The following KCTD5 variants were observed in gnomAD, a reference collection of about 807,000 sequenced individuals.
KCTD5 encodes the protein BTB/POZ domain-containing protein KCTD5.
Under a neutral mutation model 27.9 loss-of-function variants are expected in KCTD5, and 12 were observed. The observed-to-expected ratio is 0.43, with a 90% CI of 0.28 to 0.70. The LOEUF (loss-of-function observed/expected upper bound fraction) is 0.70, where lower values mean the gene tolerates loss of function less well. Ranked by LOEUF, KCTD5 falls within the 30% of genes least tolerant of loss-of-function variation. KCTD5 has a pLI of 0.19. For missense variants in KCTD5, 226 were observed against 274.8 expected, an observed-to-expected ratio of 0.82 and a Z score of 1.26; for synonymous variants, 147 against 121.4, an observed-to-expected ratio of 1.21 and a Z score of -1.39.
At chr16:2,696,739 C>T (rs550713409) in intron 2 of KCTD5, among the ~76,000 whole-genome samples, 28 of 152,390 alleles carry the variant, frequency 1.8e-4, no homozygotes, top group African/African-American at 6.0e-4. Flanking sequence ...TTCTGGGCCT[C>T]TGGGCCTCGG....
rs1238791234 is a variant in KCTD5, at chr16:2,682,595, T to C, written c.47T>C (p.Ile16Thr). 22 of 1,427,558 alleles carry C rather than the reference T, an allele frequency of 1.5e-5. No individual in the cohort carries two copies. The highest frequency in any genetic ancestry group is 2.0e-5 in the Non-Finnish European group (22 of 1,095,560). 88.4% of individuals were successfully genotyped at this position (1,427,558 alleles called of 1,614,324 possible). Residue 16 changes from isoleucine to threonine, a missense_variant, in exon 1 of 6, where the codon ATC becomes ACC. Transcript: ENST00000301738. The part of the protein sequence containing the change: ...CELLSPARGG[I>T]GAGLGGGLCR... ...CTCCTGTCGCCGGCCCGGGGCGGCATCGGGGCGGGGCTGGGGGGCGGCCTG... is the reference window on the plus strand; with the variant it reads ...CTCCTGTCGCCGGCCCGGGGCGGCACCGGGGCGGGGCTGGGGGGCGGCCTG...
intron 1 of KCTD5, among the ~76,000 whole-genome samples, chr16:2,693,602 C>G (rs1196204710): frequency 6.6e-6 from 1 of 152,254 alleles, no homozygotes; most frequent in African/African-American, 2.4e-5. Flanking sequence ...TGGCCGTCCC[C>G]ACCCTGCCCT....
At chr16:2,701,305 G>A (rs2067611013) in intron 4 of KCTD5, among the ~76,000 whole-genome samples, 1 of 152,204 alleles carries the variant, frequency 6.6e-6, no homozygotes, top group South Asian at 2.1e-4. Context: ...CCTTCTCCCA[G>A]TTCATGTAGG....
intron 1 of KCTD5, among the ~76,000 whole-genome samples, chr16:2,688,187 T>C (rs2067548955): frequency 6.6e-6 from 1 of 150,620 alleles, no homozygotes; most frequent in Non-Finnish European, 1.5e-5. Flanking sequence ...CTTCATTTCA[T>C]GTTTGTACTT....
At chr16:2,685,842 C>T (rs940586196) in intron 1 of KCTD5, 2 of 150,802 alleles carry the variant, frequency 1.3e-5, no homozygotes, top group African/African-American at 2.4e-5. Flanking sequence ...AGAGTCCCTG[C>T]CTGGATTATT....
intron 5 of KCTD5, among the ~76,000 whole-genome samples, chr16:2,705,910 G>A (rs2067633599): frequency 6.6e-6 from 1 of 152,202 alleles, no homozygotes; most frequent in South Asian, 2.1e-4. Flanking sequence ...GGGAGCTGTT[G>A]GGGCTCCCGG....
intron 4 of KCTD5, among the ~76,000 whole-genome samples, chr16:2,701,480 G>A (rs1005634527): frequency 4.6e-5 from 7 of 152,194 alleles, no homozygotes; most frequent in African/African-American, 1.7e-4. Context: ...ATGGCCGTGA[G>A]TGCTCCCAGG....
chr16:2,706,347 A>C (rs943299582), intron 5 of KCTD5, among the ~76,000 whole-genome samples: 1 of 152,144 alleles, frequency 6.6e-6, no homozygotes. Context: ...GTGCCCGGCG[A>C]GGGCGTGGGC....
chr16:2,707,348 G>A lies in KCTD5; in HGVS notation c.*21G>A, dbSNP rs1283978344. On this transcript the variant is annotated 3_prime_UTR_variant, in exon 6 of 6. Transcript: ENST00000301738. The stretch of plus-strand genomic sequence containing the variant: ...TGTGAGGGACACAGTATTGACAGCT[G>A]AAGAAATGATTTACGTTTTCCCGAG... The A allele has an allele frequency of 6.2e-7, 1 of 1,613,120 alleles. No homozygotes were observed.
At chr16:2,687,157 C>T (rs1002087538) in intron 1 of KCTD5, among the ~76,000 whole-genome samples, 2 of 152,238 alleles carry the variant, frequency 1.3e-5, no homozygotes, top group African/African-American at 4.8e-5. Flanking sequence ...TCAGGTGCCT[C>T]ACCTGAAGCC....
At chr16:2,706,569 C>T (rs2067637070) in intron 5 of KCTD5, among the ~76,000 whole-genome samples, 1 of 152,108 alleles carries the variant, frequency 6.6e-6, no homozygotes, top group Admixed American at 6.5e-5. Context: ...CTCAGGGGAG[C>T]CCAGGCCGAC....
At chr16:2,691,037 C>T (rs945792655) in intron 1 of KCTD5, among the ~76,000 whole-genome samples, 5 of 152,240 alleles carry the variant, frequency 3.3e-5, no homozygotes, top group Admixed American at 1.3e-4. Flanking sequence ...CCCCCGCACA[C>T]ATTAGGCCGA....
At chr16:2,683,082 G>A in intron 1 of KCTD5, 1 of 399,638 alleles carries the variant, frequency 2.5e-6, no homozygotes, top group Non-Finnish European at 4.5e-6. Context: ...CTTTGGTGGA[G>A]GAGGCTTCCT....
chr16:2,692,302 A>C (rs1019584568), intron 1 of KCTD5, among the ~76,000 whole-genome samples: 9 of 152,296 alleles, frequency 5.9e-5, no homozygotes, highest in Admixed American at 1.3e-4. Context: ...GGTAGCAGAC[A>C]AGTGGAGGGT....
At chr16:2,690,187 C>T (rs2067559642) in intron 1 of KCTD5, among the ~76,000 whole-genome samples, 2 of 152,228 alleles carry the variant, frequency 1.3e-5, no homozygotes, top group African/African-American at 4.8e-5. Context: ...CTGCGGCTGC[C>T]CTGTGGACCT....
intron 5 of KCTD5, among the ~76,000 whole-genome samples, chr16:2,705,684 G>A (rs752717800): frequency 7.2e-5 from 11 of 152,212 alleles, no homozygotes; most frequent in Non-Finnish European, 1.3e-4. Flanking sequence ...TGCCTGTGGG[G>A]GTGTCTGGCC....
intron 1 of KCTD5, chr16:2,684,654 A>G (rs1306807885): frequency 2.6e-5 from 4 of 152,220 alleles, no homozygotes; most frequent in Non-Finnish European, 4.4e-5. Flanking sequence ...AGTCCCAGCT[A>G]CTAGGCAGTC....
rs1157239623 is a variant in KCTD5 at position 2,707,404 on chromosome 16, G to C, written c.*77G>C. On this transcript the variant is annotated 3_prime_UTR_variant, in exon 6 of 6. Coordinates refer to ENST00000301738, the MANE Select transcript of KCTD5 (RefSeq NM_018992.4). Reference sequence around the variant, plus strand: ...ATGAACTGCCATGTCCAGGAAGCTTGGCTGTGAGAAGAAACCTGCTTTTGA... The same window carrying C: ...ATGAACTGCCATGTCCAGGAAGCTTCGCTGTGAGAAGAAACCTGCTTTTGA... 2 of 1,461,208 alleles carry C rather than the reference G, an allele frequency of 1.4e-6. No homozygotes were observed. Among genetic ancestry groups the C allele is most frequent in the Non-Finnish European group, 1.9e-6 (2 of 1,040,680 alleles). The allele number at this position is 1,461,208 out of a possible 1,614,324, so 90.5% of individuals were successfully genotyped here. A position where few individuals can be genotyped will look rare whatever the true frequency, so the allele number is the denominator to read the frequency against.
intron 1 of KCTD5, among the ~76,000 whole-genome samples, chr16:2,693,444 C>G (rs1044704832): frequency 6.6e-6 from 1 of 152,206 alleles, no homozygotes; most frequent in East Asian, 1.9e-4. Flanking sequence ...AAGCCAGCCC[C>G]GCCCAGTGGT....
Sources: allele counts gnomAD v4.1 joint callset (sites outside exome capture counted in the v4.1 genomes callset), GRCh38; gene constraint gnomAD v4.1.1; transcripts MANE v1.5; gene names NCBI Gene and HGNC (gene_info 2026-07-23, HGNC 2026-07-21).